Variants in NTN4 observed in about 807,000 individuals in gnomAD.
NTN4 encodes the protein netrin-4.
In NTN4, 32 loss-of-function variants were observed where a neutral mutation model predicts 73.6. The ratio of observed to expected loss-of-function variants is 0.44; its 90% CI spans 0.33 to 0.58. The LOEUF (loss-of-function observed/expected upper bound fraction) is 0.58, where lower values mean the gene tolerates loss of function less well. Ranked by LOEUF, NTN4 falls within the 20% of genes least tolerant of loss-of-function variation. The pLI is 0.04. For synonymous variants in NTN4, 258 were observed against 287.5 expected (o/e 0.90, Z 1.04); for missense variants, 654 against 798.3 (o/e 0.82, Z 2.18).
chr12:95,682,057 C>CTTGTTTTTTTTTTTTTT, intron 7 of NTN4, among the ~76,000 whole-genome samples: 1 of 64,546 alleles, frequency 1.5e-5, no homozygotes, highest in Non-Finnish European at 2.6e-5. Context: ...ATTCAGTAGG[C>CTTGTTTTTTTTTTTTTT]TTTTTTTTTT....
intron 5 of NTN4, among the ~76,000 whole-genome samples, chr12:95,692,760 A>G (rs2078410497): frequency 6.6e-6 from 1 of 152,254 alleles, no homozygotes. Flanking sequence ...ACAGAAAATA[A>G]AATAGAAGCA....
chr12:95,765,136 C>T (rs1386073995), intron 2 of NTN4, among the ~76,000 whole-genome samples: 1 of 152,158 alleles, frequency 6.6e-6, no homozygotes, highest in Non-Finnish European at 1.5e-5. Flanking sequence ...TGTATCTTAC[C>T]ATAACATTGC....
intron 9 of NTN4, among the ~76,000 whole-genome samples, chr12:95,659,962 T>TAC (rs1565874004): frequency 6.6e-6 from 1 of 152,198 alleles, no homozygotes; most frequent in African/African-American, 2.4e-5. Flanking sequence ...ACATCTTGGA[T>TAC]ACTCACTGTG....
rs771470587 is a variant in NTN4, at chr12:95,738,122, G to A, written c.608C>T (p.Pro203Leu). The A allele has an allele frequency of 6.2e-7, 1 of 1,613,512 alleles. No individual in the cohort carries two copies. Among genetic ancestry groups the A allele is most frequent in the Non-Finnish European group, 8.5e-7 (1 of 1,179,642 alleles). ...GTAAGGGTTCTCTGTATCGTATGGT[G>A]GTGACAAAGCTTTGAAAATAACCTG... Reference protein sequence around the residue: ...GGEVIFKALSPPYDTENPYSA... With the variant: ...GGEVIFKALSLPYDTENPYSA... Residue 203 changes from proline (P) to leucine (L), a missense_variant, in exon 3 of 10, where the codon CCA becomes CTA. Coordinates refer to ENST00000343702, the MANE Select transcript of NTN4 (RefSeq NM_021229.4).
chr12:95,775,751 G>C (rs1243134251), intron 2 of NTN4, among the ~76,000 whole-genome samples: 1 of 152,246 alleles, frequency 6.6e-6, no homozygotes. Flanking sequence ...TTCCACCTCT[G>C]GGGGCAGGGC....
chr12:95,683,753 G>A, intron 5 of NTN4, 42 bp from the exon 6 acceptor site: 1 of 1,491,792 alleles, frequency 6.7e-7, no homozygotes, highest in Admixed American at 1.9e-5. Context: ...ACTGACTGTA[G>A]ATCACCCGTG....
intron 9 of NTN4, among the ~76,000 whole-genome samples, chr12:95,662,617 CAGAG>C: frequency 6.6e-6 from 1 of 152,126 alleles, no homozygotes; most frequent in Non-Finnish European, 1.5e-5. Context: ...AATAATGACA[CAGAG>C]AGGTTTCAAA....
intron 7 of NTN4, among the ~76,000 whole-genome samples, chr12:95,682,133 G>A (rs2078322076): frequency 7.7e-6 from 1 of 129,836 alleles, no homozygotes; most frequent in African/African-American, 3.0e-5. Flanking sequence ...CACGATCACA[G>A]CTCACTGTAG....
intron 5 of NTN4, among the ~76,000 whole-genome samples, chr12:95,708,604 T>G (rs910453840): frequency 6.6e-6 from 1 of 152,078 alleles, no homozygotes; most frequent in Non-Finnish European, 1.5e-5. Context: ...AGACAGGGTC[T>G]TCTTCTGTTG....
At position 95,786,967 on chromosome 12, in the gene NTN4, G is replaced by C; in HGVS notation, c.557C>G (p.Ser186Cys). The change falls in exon 2 of 10, where the codon TCC (serine) becomes TGC (cysteine). Residue 186 changes from serine (S) to cysteine (C), a missense_variant. Physicochemically the swap from Ser to Cys is moderately radical, Grantham distance 112. Coordinates refer to ENST00000343702, the MANE Select transcript of NTN4 (RefSeq NM_021229.4). ...KKGAICTSKYSSPFPCTGGEV... is the reference protein window; with the variant it reads ...KKGAICTSKYCSPFPCTGGEV... ...TCCTCCAGTGCATGGAAAAGGACTG[G>C]AGTATTTAGAAGTACAAATAGCGCC... 6.2e-7 allele frequency: 1 copy of C among 1,614,160 alleles called. No homozygotes were observed. Among genetic ancestry groups the C allele is most frequent in the Non-Finnish European group, 8.5e-7 (1 of 1,180,020 alleles).
At chr12:95,693,280 A>G (rs2078415394) in intron 5 of NTN4, among the ~76,000 whole-genome samples, 1 of 147,734 alleles carries the variant, frequency 6.8e-6, no homozygotes, top group African/African-American at 2.4e-5. Context: ...CTCATTGTAG[A>G]TATGTTTTTT....
At chr12:95,661,050 G>A (rs117191749) in intron 9 of NTN4, among the ~76,000 whole-genome samples, 1 of 152,166 alleles carries the variant, frequency 6.6e-6, no homozygotes, top group East Asian at 1.9e-4. Context: ...CAAAGTTGTG[G>A]TAAGTTGAGC....
chr12:95,744,777 T>C (rs527987910), intron 2 of NTN4, among the ~76,000 whole-genome samples: 1 of 152,112 alleles, frequency 6.6e-6, no homozygotes, highest in Non-Finnish European at 1.5e-5. Context: ...ATCCATCTGG[T>C]ATCATTTTTC....
At chr12:95,769,168 T>C (rs2079039110) in intron 2 of NTN4, among the ~76,000 whole-genome samples, 1 of 152,060 alleles carries the variant, frequency 6.6e-6, no homozygotes, top group African/African-American at 2.4e-5. Context: ...CTCAGTATGA[T>C]TGTGTTGTTA....
intron 3 of NTN4, among the ~76,000 whole-genome samples, chr12:95,719,805 AAGG>A (rs1302542619): frequency 2.6e-5 from 4 of 152,174 alleles, no homozygotes; most frequent in African/African-American, 9.6e-5. Context: ...GTTTGGTGAA[AAGG>A]AGGCCTGAAA....
At position 95,738,244 on chromosome 12, in the gene NTN4, C is replaced by A. The variant is rs150311533; in HGVS notation, c.586-100G>T. On this transcript the variant is annotated intron_variant, in intron 2 of 9. Coordinates refer to ENST00000343702, the MANE Select transcript of NTN4 (RefSeq NM_021229.4). ...CTGTTTGATTTATGCCTTATGTCATCTGTGAACGATAAGATAACAAGAAGT... is the reference window on the plus strand; with the variant it reads ...CTGTTTGATTTATGCCTTATGTCATATGTGAACGATAAGATAACAAGAAGT... 181 of 1,113,484 alleles carry A rather than the reference C, an allele frequency of 1.6e-4. No individual in the cohort carries two copies. In the East Asian group the frequency reaches 4.1e-3, roughly 25 times the overall value. 69.0% of individuals were successfully genotyped at this position (1,113,484 alleles called of 1,614,324 possible).
In NTN4 at chr12:95,682,661, A is replaced by G. The variant is rs777848281; in HGVS notation, c.1510+46T>C. 7.4e-6 allele frequency: 10 copies of G among 1,348,434 alleles called. 1 individual carries two copies. The highest frequency in any genetic ancestry group is 7.1e-5 in the South Asian group (6 of 84,298). The allele number at this position is 1,348,434 out of a possible 1,614,324, so 83.5% of individuals were successfully genotyped here. ...CTGGTTTGTCACGTATCACTGTTACATAAGACCAGACCTGAAAATATGATG... is the reference window on the plus strand; with the variant it reads ...CTGGTTTGTCACGTATCACTGTTACGTAAGACCAGACCTGAAAATATGATG... On this transcript the variant is annotated intron_variant, in intron 7 of 9. Coordinates refer to ENST00000343702, the MANE Select transcript of NTN4 (RefSeq NM_021229.4).
chr12:95,697,227 C>G (rs2468365), intron 5 of NTN4, among the ~76,000 whole-genome samples: 16,849 of 152,064 alleles, frequency 0.11, 1,276 homozygotes, highest in Non-Finnish European at 0.17. Flanking sequence ...GGGACATTCT[C>G]CACCCGTAAG....
chr12:95,691,200 A>G (rs2078399017), intron 5 of NTN4, among the ~76,000 whole-genome samples: 1 of 152,208 alleles, frequency 6.6e-6, no homozygotes. Flanking sequence ...TTTTCTTCCA[A>G]AATGCAAACA....
Sources: gnomAD v4.1 joint callset for allele counts (sites outside exome capture counted in the v4.1 genomes callset) on GRCh38, gnomAD v4.1.1 for gene constraint, MANE v1.5 for transcripts, NCBI Gene and HGNC (gene_info 2026-07-23, HGNC 2026-07-21) for gene names.